Variants in ENPEP observed in about 807,000 individuals in gnomAD.
The protein encoded by ENPEP is glutamyl aminopeptidase.
In ENPEP, 103 loss-of-function variants were observed where a neutral mutation model predicts 114.5. The observed-to-expected ratio is 0.90, with a 90% confidence interval of 0.77 to 1.06. ENPEP has a LOEUF of 1.06. Among genes scored for constraint, ENPEP ranks in the 50% least tolerant of loss-of-function variants. The probability of loss-of-function intolerance (pLI) is 0.00; values close to 1 mark genes in which losing one functional copy is unlikely to be tolerated. For missense variants in ENPEP, 1,196 were observed against 1,161.3 expected (o/e 1.03, Z -0.43); for synonymous variants, 420 against 422.0 (o/e 1.00, Z 0.06).
In ENPEP at chr4:110,559,678, A is replaced by T; in HGVS notation, c.2674A>T (p.Ile892Phe). 2 of 1,614,016 alleles carry T rather than the reference A, an allele frequency of 1.2e-6. No individual in the cohort carries two copies. Among genetic ancestry groups the T allele is most frequent in the Non-Finnish European group, 1.7e-6 (2 of 1,179,892 alleles). Residue 892 changes from isoleucine to phenylalanine, a missense_variant, in exon 19 of 20, where the codon ATT (isoleucine) becomes TTT (phenylalanine). Ile to Phe is a conservative substitution (Grantham distance 21, BLOSUM62 0). Transcript: ENST00000265162. ...ACTCAATAACAGAAACCTTGGCCGA[A>T]TTGTCACAATAGCAGAGCCATTCAA... is the stretch of plus-strand genomic sequence containing the variant. ...YTLNNRNLGRIVTIAEPFNTE... is the reference protein window; with the variant it reads ...YTLNNRNLGRFVTIAEPFNTE...
At chr4:110,540,172 AT>A (rs1451845216) in intron 11 of ENPEP, among the ~76,000 whole-genome samples, 2 of 152,200 alleles carry the variant, frequency 1.3e-5, no homozygotes, top group Non-Finnish European at 2.9e-5. Context: ...ATTTCCAAAT[AT>A]ATAAAATGAA....
intron 3 of ENPEP, among the ~76,000 whole-genome samples, chr4:110,499,420 C>T (rs985413498): frequency 6.6e-6 from 1 of 152,166 alleles, no homozygotes; most frequent in Non-Finnish European, 1.5e-5. Flanking sequence ...ACTCTAGCGT[C>T]GGTCCTGTCT....
At chr4:110,557,314 A>G (rs184498471) in intron 18 of ENPEP, among the ~76,000 whole-genome samples, 1 of 152,342 alleles carries the variant, frequency 6.6e-6, no homozygotes, top group East Asian at 1.9e-4. Flanking sequence ...TGAAGAAAAT[A>G]TCATCGGAAA....
At chr4:110,527,575 A>T (rs959664685) in intron 10 of ENPEP, among the ~76,000 whole-genome samples, 1 of 152,204 alleles carries the variant, frequency 6.6e-6, no homozygotes, top group African/African-American at 2.4e-5. Flanking sequence ...ACATGAATTG[A>T]AACATAGATC....
chr4:110,532,096 G>T (rs1726428168), intron 11 of ENPEP, among the ~76,000 whole-genome samples: 1 of 152,086 alleles, frequency 6.6e-6, no homozygotes, highest in African/African-American at 2.4e-5. Context: ...TTTTTACTCT[G>T]TTTCCAGTAG....
chr4:110,515,316 C>A, intron 7 of ENPEP, 61 bp from the exon 8 acceptor site: 1 of 1,365,782 alleles, frequency 7.3e-7, no homozygotes, highest in Non-Finnish European at 1.0e-6. Flanking sequence ...AGAGTAATAA[C>A]TGATCATTGT....
chr4:110,487,314 C>CA lies in ENPEP; in HGVS notation c.645-1224dup, dbSNP rs575613374. Among the ~76,000 whole-genome samples the CA allele has an allele frequency of 7.9e-5, 12 of 152,328 alleles. No individual in the cohort carries two copies. The South Asian group carries it at 1.4e-3, about 18-fold the overall frequency. ...GCTATTATCAATTTTGTTTCAGAGT[C>CA]AAACCATAAACTGAATTCCTTCCCA... On this transcript the variant is annotated intron_variant, in intron 1 of 19. Coordinates refer to ENST00000265162, the MANE Select transcript of ENPEP (RefSeq NM_001977.4).
chr4:110,517,493 A>G (rs1725825144), intron 8 of ENPEP, among the ~76,000 whole-genome samples: 1 of 152,234 alleles, frequency 6.6e-6, no homozygotes, highest in Admixed American at 6.5e-5. Context: ...TGGCATCTTC[A>G]GAGCTGGCTT....
chr4:110,513,441 A>T lies in ENPEP; in HGVS notation c.1335A>T (p.Val445=). The change falls in exon 7 of 20, where the codon GTA becomes GTT. Residue 445 remains valine (V), a synonymous_variant. Coordinates refer to ENST00000265162, the MANE Select transcript of ENPEP (RefSeq NM_001977.4). ...GTGACCAAATGTTACTTGAAGATGT[A>T]TTACCTGTTCAAGAGGATGATTCTT... ...QMRDQMLLED[V]LPVQEDDSLM... is the part of the protein sequence containing the mutation. 1 of 1,613,128 alleles carries T rather than the reference A, an allele frequency of 6.2e-7. No homozygotes were observed. Among genetic ancestry groups the T allele is most frequent in the Admixed American group, 1.7e-5 (1 of 59,926 alleles).
intron 10 of ENPEP, among the ~76,000 whole-genome samples, chr4:110,524,449 A>G (rs192606172): frequency 6.6e-6 from 1 of 152,360 alleles, no homozygotes; most frequent in East Asian, 1.9e-4. Context: ...TATAAATGTA[A>G]CCAAATTCTT....
chr4:110,530,553 A>G (rs779772837), intron 10 of ENPEP, among the ~76,000 whole-genome samples: 1 of 152,222 alleles, frequency 6.6e-6, no homozygotes, highest in Non-Finnish European at 1.5e-5. Flanking sequence ...ATCAAAATAC[A>G]AAGTTAACTC....
rs1222214285 is a variant in ENPEP at position 110,564,890 on chromosome 4, T to C, written c.*3332T>C. On this transcript the variant is annotated 3_prime_UTR_variant, in exon 20 of 20. Transcript: ENST00000265162. Reference sequence around the variant, plus strand: ...AGTATTCCAGATAGAGGCCGCACTATGAGCCTGAATTCCAGGATAAAAACA... The same window carrying C: ...AGTATTCCAGATAGAGGCCGCACTACGAGCCTGAATTCCAGGATAAAAACA... 2 of 152,216 alleles carry C rather than the reference T, an allele frequency of 1.3e-5. No individual in the cohort carries two copies. Among genetic ancestry groups the C allele is most frequent in the Non-Finnish European group, 2.9e-5 (2 of 68,040 alleles). 9.4% of individuals were successfully genotyped at this position (152,216 alleles called of 1,614,324 possible).
intron 3 of ENPEP, among the ~76,000 whole-genome samples, chr4:110,506,012 G>A (rs1725356619): frequency 1.3e-5 from 2 of 152,204 alleles, no homozygotes. Context: ...AGCTTACCAA[G>A]ATGACTTTCT....
chr4:110,530,040 C>T (rs1013512025), intron 10 of ENPEP, among the ~76,000 whole-genome samples: 2 of 151,650 alleles, frequency 1.3e-5, no homozygotes, highest in African/African-American at 4.8e-5. Flanking sequence ...CGTGCCATTG[C>T]ACTCCAGCCT....
At chr4:110,549,145 G>A (rs1727187435) in intron 14 of ENPEP, among the ~76,000 whole-genome samples, 1 of 151,964 alleles carries the variant, frequency 6.6e-6, no homozygotes, top group African/African-American at 2.4e-5. Flanking sequence ...TTACAGGAAG[G>A]TCCGGGATGG....
intron 11 of ENPEP, among the ~76,000 whole-genome samples, chr4:110,542,351 T>C (rs1726880659): frequency 6.6e-6 from 1 of 152,110 alleles, no homozygotes; most frequent in Non-Finnish European, 1.5e-5. Flanking sequence ...CTGGTGAATA[T>C]TGTTTGTGTA....
intron 13 of ENPEP, among the ~76,000 whole-genome samples, chr4:110,544,101 C>CT (rs957783907): frequency 2.0e-5 from 3 of 151,940 alleles, no homozygotes; most frequent in Non-Finnish European, 4.4e-5. Flanking sequence ...AGTCAGAAAA[C>CT]CTTGACATAT....
At chr4:110,557,057 A>C (rs1727499859) in intron 18 of ENPEP, among the ~76,000 whole-genome samples, 1 of 152,220 alleles carries the variant, frequency 6.6e-6, no homozygotes, top group African/African-American at 2.4e-5. Flanking sequence ...ATGTTATTCA[A>C]AATGGTAGAC....
intron 3 of ENPEP, among the ~76,000 whole-genome samples, chr4:110,499,488 A>G (rs17041835): frequency 0.028 from 4,256 of 152,238 alleles, 82 homozygotes; most frequent in Non-Finnish European, 0.046. Context: ...TCACCTTCAA[A>G]CTCTAAAATT....
Sources: gnomAD v4.1 joint callset for allele counts (sites outside exome capture counted in the v4.1 genomes callset) on GRCh38, gnomAD v4.1.1 for gene constraint, MANE v1.5 for transcripts, NCBI Gene and HGNC (gene_info 2026-07-23, HGNC 2026-07-21) for gene names.